The following MARCHF1 variants were observed in gnomAD, a reference collection of about 807,000 sequenced individuals.
MARCHF1 encodes membrane associated ring-CH-type finger 1.
MARCHF1 carries 40 observed loss-of-function variants against 54.2 expected under a neutral mutation model. The ratio of observed to expected loss-of-function variants is 0.74; its 90% CI spans 0.57 to 0.96. MARCHF1 has a LOEUF of 0.96. MARCHF1 is among the 40% of genes least tolerant of loss of function. The pLI, the probability that MARCHF1 is intolerant of heterozygous loss-of-function variation, is 0.00. For synonymous variants in MARCHF1, 236 were observed against 236.3 expected (o/e 1.00, Z 0.01); for missense variants, 586 against 656.5 (o/e 0.89, Z 1.17).
At chr4:163,927,113 C>T (rs370075050) in intron 3 of MARCHF1, among the ~76,000 whole-genome samples, 1 of 151,662 alleles carries the variant, frequency 6.6e-6, no homozygotes, top group South Asian at 2.1e-4. Flanking sequence ...TTGAGACAGA[C>T]TTAAATGTTT....
chr4:164,211,239 A>G (rs1274001144), intron 1 of MARCHF1, among the ~76,000 whole-genome samples: 1 of 151,368 alleles, frequency 6.6e-6, no homozygotes, highest in Non-Finnish European at 1.5e-5. Flanking sequence ...TAAGTAGTTG[A>G]GGTGGTAGAT....
At chr4:164,146,703 C>T (rs1350773317) in intron 1 of MARCHF1, among the ~76,000 whole-genome samples, 1 of 152,052 alleles carries the variant, frequency 6.6e-6, no homozygotes, top group Admixed American at 6.6e-5. Context: ...AACATTAGAC[C>T]TAAAACTATA....
At chr4:163,812,887 A>G (rs900589733) in intron 4 of MARCHF1, among the ~76,000 whole-genome samples, 4 of 152,228 alleles carry the variant, frequency 2.6e-5, no homozygotes, top group African/African-American at 9.6e-5. Context: ...TATAGACTGT[A>G]TAACATCACA....
At chr4:163,575,788 C>A (rs1415382920) in intron 8 of MARCHF1, among the ~76,000 whole-genome samples, 2 of 151,740 alleles carry the variant, frequency 1.3e-5, no homozygotes, top group Non-Finnish European at 2.9e-5. Context: ...TTGCATGTTT[C>A]CAGAAATTTA....
At chr4:164,171,803 T>C (rs1261620093) in intron 1 of MARCHF1, among the ~76,000 whole-genome samples, 1 of 152,206 alleles carries the variant, frequency 6.6e-6, no homozygotes, top group African/African-American at 2.4e-5. Flanking sequence ...TAAACTTTGG[T>C]TCAGAAGATT....
At chr4:164,164,447 T>C (rs956321269) in intron 1 of MARCHF1, among the ~76,000 whole-genome samples, 2 of 151,914 alleles carry the variant, frequency 1.3e-5, no homozygotes, top group Non-Finnish European at 2.9e-5. Context: ...TTATGAACAT[T>C]ATGAAATCTA....
At chr4:163,892,614 TAAAAAAATAAAAAAAATTAA>T (rs1750685143) in intron 3 of MARCHF1, among the ~76,000 whole-genome samples, 1 of 149,112 alleles carries the variant, frequency 6.7e-6, no homozygotes, top group East Asian at 1.9e-4. Flanking sequence ...AAAATAAAAA[TAAAAAAATAAAAAAAATTAA>T]AAAAAAATAA....
At chr4:164,328,526 T>C (rs1465997659) in intron 1 of MARCHF1, among the ~76,000 whole-genome samples, 5 of 152,106 alleles carry the variant, frequency 3.3e-5, no homozygotes, top group East Asian at 3.9e-4. Flanking sequence ...TATCGAGTCA[T>C]ATGAAATTTT....
chr4:164,341,512 G>A (rs777111428), intron 1 of MARCHF1, among the ~76,000 whole-genome samples: 94 of 152,316 alleles, frequency 6.2e-4, no homozygotes, highest in Non-Finnish European at 1.2e-3. Context: ...ACTATAAACT[G>A]GGTAGCTTAA....
intron 4 of MARCHF1, among the ~76,000 whole-genome samples, chr4:163,780,558 T>C (rs1476357988): frequency 6.6e-6 from 1 of 152,120 alleles, no homozygotes. Context: ...TTGGTGGTCC[T>C]GAGCAAAAAA....
At chr4:163,798,551 C>T (rs1050073313) in intron 4 of MARCHF1, among the ~76,000 whole-genome samples, 5 of 151,950 alleles carry the variant, frequency 3.3e-5, no homozygotes, top group African/African-American at 1.2e-4. Flanking sequence ...CCATTAGGTG[C>T]CAAATTCTAA....
chr4:164,368,914 T>A (rs1277006953), intron 1 of MARCHF1, among the ~76,000 whole-genome samples: 1 of 152,162 alleles, frequency 6.6e-6, no homozygotes, highest in Admixed American at 6.5e-5. Flanking sequence ...CTGTGAACAG[T>A]CATGGTACAA....
intron 1 of MARCHF1, among the ~76,000 whole-genome samples, chr4:164,151,229 T>C (rs570253364): frequency 3.5e-4 from 54 of 152,288 alleles, no homozygotes; most frequent in Middle Eastern, 6.8e-3. Context: ...AAGACAGTGA[T>C]GAATAGGAGA....
At chr4:164,027,213 TTCACA>T (rs1241952392) in intron 2 of MARCHF1, among the ~76,000 whole-genome samples, 2 of 151,726 alleles carry the variant, frequency 1.3e-5, no homozygotes, top group African/African-American at 4.8e-5. Context: ...AGCATAATTT[TTCACA>T]GCATTATACA....
intron 1 of MARCHF1, among the ~76,000 whole-genome samples, chr4:164,343,507 CAAATTAACA>C (rs1729987163): frequency 6.6e-6 from 1 of 151,972 alleles, no homozygotes; most frequent in African/African-American, 2.4e-5. Flanking sequence ...GGAACTTAAA[CAAATTAACA>C]AGCAAAAAAT....
At position 163,574,269 on chromosome 4, in the gene MARCHF1, G is replaced by T. The variant is rs181562022; in HGVS notation, c.1191+11480C>A. 1.6e-3 allele frequency among the ~76,000 whole-genome samples: 249 copies of T among 152,194 alleles called. 1 individual carries two copies. The highest frequency in any genetic ancestry group is 5.5e-3 in the African/African-American group (230 of 41,502). On this transcript the variant is annotated intron_variant, in intron 8 of 9. Coordinates refer to ENST00000514618, the MANE Select transcript of MARCHF1 (RefSeq NM_001394959.1). The stretch of plus-strand genomic sequence containing the variant: ...TTTCTCCCATTTTTGTGGGTTGCCT[G>T]TTCACTCTGATGGTAGTTTCTTTTG...
At chr4:163,620,554 A>G (rs1235043049) in intron 5 of MARCHF1, among the ~76,000 whole-genome samples, 1 of 151,274 alleles carries the variant, frequency 6.6e-6, no homozygotes, top group African/African-American at 2.4e-5. Context: ...AGCCATAAAA[A>G]GAATGAGGTA....
intron 3 of MARCHF1, among the ~76,000 whole-genome samples, chr4:163,917,716 C>A (rs530676590): frequency 3.5e-4 from 53 of 152,202 alleles, no homozygotes; most frequent in African/African-American, 8.2e-4. Context: ...ACAGATCAAC[C>A]CGTCACCTAG....
At chr4:164,290,647 T>A (rs540352604) in intron 1 of MARCHF1, among the ~76,000 whole-genome samples, 2 of 152,138 alleles carry the variant, frequency 1.3e-5, no homozygotes, top group South Asian at 4.1e-4. Flanking sequence ...AATTATGTGG[T>A]TTAAAGATAA....
Sources: gnomAD v4.1 joint callset for allele counts (sites outside exome capture counted in the v4.1 genomes callset) on GRCh38, gnomAD v4.1.1 for gene constraint, MANE v1.5 for transcripts, NCBI Gene and HGNC (gene_info 2026-07-23, HGNC 2026-07-21) for gene names.